Variants in MACROD2 observed in about 807,000 individuals in gnomAD.
The protein encoded by MACROD2 is ADP-ribose glycohydrolase MACROD2.
A neutral mutation model predicts 70.4 loss-of-function variants in MACROD2; 36 were observed. The ratio of observed to expected loss-of-function variants is 0.51; its 90% CI spans 0.39 to 0.68. MACROD2 has a LOEUF of 0.68. Ranked by LOEUF, MACROD2 falls within the 30% of genes least tolerant of loss-of-function variation. The probability of loss-of-function intolerance (pLI) is 0.00; values close to 1 mark genes in which losing one functional copy is unlikely to be tolerated. For synonymous variants in MACROD2, 172 were observed against 178.8 expected, an observed-to-expected ratio of 0.96 and a Z score of 0.30; for missense variants, 496 against 538.4, an observed-to-expected ratio of 0.92 and a Z score of 0.78.
chr20:15,883,635 A>G (rs960644830), intron 9 of MACROD2, among the ~76,000 whole-genome samples: 1 of 152,116 alleles, frequency 6.6e-6, no homozygotes. Flanking sequence ...GAAGAGGGGC[A>G]GACTGAGTAA....
intron 5 of MACROD2, among the ~76,000 whole-genome samples, chr20:14,786,227 A>C (rs982291172): frequency 2.6e-5 from 4 of 151,468 alleles, no homozygotes. Context: ...AGAGAGAGAG[A>C]GAGAGAGAGA....
chr20:14,310,340 A>G (rs764815079), intron 3 of MACROD2, among the ~76,000 whole-genome samples: 1 of 152,158 alleles, frequency 6.6e-6, no homozygotes, highest in Non-Finnish European at 1.5e-5. Flanking sequence ...AAAAGGTACC[A>G]TAAAATTACA....
At chr20:14,147,056 A>C (rs2054952185) in intron 3 of MACROD2, among the ~76,000 whole-genome samples, 1 of 152,194 alleles carries the variant, frequency 6.6e-6, no homozygotes, top group African/African-American at 2.4e-5. Flanking sequence ...GTAAAAGGGA[A>C]GCCAGGGACA....
At chr20:15,752,858 G>A (rs62194683) in intron 8 of MACROD2, among the ~76,000 whole-genome samples, 17,056 of 151,946 alleles carry the variant, frequency 0.11, 1,098 homozygotes, top group Admixed American at 0.14. Flanking sequence ...GTGCTGAGCC[G>A]GTCTTAGAGA....
At chr20:15,530,363 T>C (rs11697525) in intron 8 of MACROD2, among the ~76,000 whole-genome samples, 11,554 of 152,268 alleles carry the variant, frequency 0.076, 493 homozygotes, top group Non-Finnish European at 0.1. Flanking sequence ...TTTAATACCA[T>C]AATACTAAGA....
At chr20:15,175,497 A>G (rs2076454241) in intron 5 of MACROD2, among the ~76,000 whole-genome samples, 1 of 152,140 alleles carries the variant, frequency 6.6e-6, no homozygotes, top group Non-Finnish European at 1.5e-5. Flanking sequence ...GAAACCATGA[A>G]TAGTCATTTT....
chr20:14,814,698 G>A (rs139530821), intron 5 of MACROD2, among the ~76,000 whole-genome samples: 58 of 151,996 alleles, frequency 3.8e-4, no homozygotes, highest in African/African-American at 1.0e-3. Flanking sequence ...CCAGGTACAT[G>A]GCTAATTTCT....
intron 15 of MACROD2, among the ~76,000 whole-genome samples, chr20:16,008,250 C>T (rs571455008): frequency 7.2e-5 from 11 of 152,286 alleles, no homozygotes; most frequent in South Asian, 6.2e-4. Context: ...TCGTTTATCT[C>T]GCCTATTCCA....
intron 4 of MACROD2, among the ~76,000 whole-genome samples, chr20:14,519,474 C>T (rs1197990521): frequency 6.6e-6 from 1 of 152,104 alleles, no homozygotes; most frequent in Non-Finnish European, 1.5e-5. Flanking sequence ...AAATGTTCAA[C>T]ATCACTAATT....
chr20:14,432,142 G>A (rs369257242), intron 3 of MACROD2, among the ~76,000 whole-genome samples: 5 of 152,012 alleles, frequency 3.3e-5, no homozygotes, highest in Non-Finnish European at 7.4e-5. Flanking sequence ...TGATGTGCTC[G>A]CCTGCTGTTA....
At chr20:14,762,405 C>A (rs1669763143) in intron 5 of MACROD2, among the ~76,000 whole-genome samples, 1 of 152,088 alleles carries the variant, frequency 6.6e-6, no homozygotes, top group Non-Finnish European at 1.5e-5. Context: ...GTAGTACTGA[C>A]TCAATTTATA....
chr20:15,868,081 G>A (rs575332629), intron 9 of MACROD2, among the ~76,000 whole-genome samples: 4 of 152,328 alleles, frequency 2.6e-5, no homozygotes, highest in East Asian at 3.9e-4. Flanking sequence ...AATGGCAATA[G>A]TGCAGAGGTT....
intron 4 of MACROD2, among the ~76,000 whole-genome samples, chr20:14,587,344 T>C (rs1981452897): frequency 6.6e-6 from 1 of 151,810 alleles, no homozygotes; most frequent in African/African-American, 2.4e-5. Flanking sequence ...ACTATTATAT[T>C]GTCTGCACTT....
chr20:15,610,318 A>G (rs529730645), intron 8 of MACROD2, among the ~76,000 whole-genome samples: 1 of 152,318 alleles, frequency 6.6e-6, no homozygotes, highest in South Asian at 2.1e-4. Flanking sequence ...TTAGGAGGCC[A>G]AAAGTTGAAA....
intron 8 of MACROD2, among the ~76,000 whole-genome samples, chr20:15,764,962 CT>C (rs1429320260): frequency 6.6e-6 from 1 of 152,148 alleles, no homozygotes; most frequent in East Asian, 1.9e-4. Flanking sequence ...ATGTCCCATG[CT>C]TGTGTCCACC....
chr20:15,101,534 CAAAAAAA>C (rs6147300), intron 5 of MACROD2, among the ~76,000 whole-genome samples: 1 of 88,916 alleles, frequency 1.1e-5, no homozygotes, highest in Non-Finnish European at 2.1e-5. Flanking sequence ...GGTGTTGGTT[CAAAAAAA>C]AAAAAAAGCA....
chr20:14,038,347 G>A (rs908234190), intron 2 of MACROD2, among the ~76,000 whole-genome samples: 50 of 151,830 alleles, frequency 3.3e-4, no homozygotes, highest in African/African-American at 1.1e-3. Context: ...TTGTGTGCCA[G>A]GTATAGTTGT....
intron 8 of MACROD2, among the ~76,000 whole-genome samples, chr20:15,695,101 T>G (rs550138459): frequency 6.6e-6 from 1 of 152,338 alleles, no homozygotes; most frequent in South Asian, 2.1e-4. Flanking sequence ...ACCAATACCA[T>G]GCTGTTTTGG....
chr20:15,817,447 G>A lies in MACROD2; in HGVS notation c.646-45298G>A, dbSNP rs77362524. On this transcript the variant is annotated intron_variant, in intron 8 of 17. Transcript: ENST00000684519. ...GTTCTTCAGAGCAGATTTTGTATTG[G>A]CAGTTTGCTAAACACGATACTTTCT... Among the ~76,000 whole-genome samples the A allele has an allele frequency of 2.5e-4, 38 of 152,228 alleles. 2 individuals are homozygous for A. The East Asian group carries it at 6.2e-3, about 25-fold the overall frequency.
Sources: gnomAD v4.1 joint callset for allele counts (sites outside exome capture counted in the v4.1 genomes callset) on GRCh38, gnomAD v4.1.1 for gene constraint, MANE v1.5 for transcripts, NCBI Gene and HGNC (gene_info 2026-07-23, HGNC 2026-07-21) for gene names.